FAP: variants seen among roughly 807,000 people sequenced by gnomAD.
FAP encodes the protein prolyl endopeptidase FAP.
FAP carries 110 observed loss-of-function variants against 126.5 expected under a neutral mutation model. That is an observed-to-expected ratio of 0.87 (90% confidence interval 0.74 to 1.02). The LOEUF is 1.02. FAP is among the 50% of genes least tolerant of loss of function. The pLI is 0.00. For synonymous variants in FAP, 334 were observed against 297.3 expected, an observed-to-expected ratio of 1.12 and a Z score of -1.27; for missense variants, 919 against 909.2, an observed-to-expected ratio of 1.01 and a Z score of -0.14.
chr2:162,226,561 G>A lies in FAP; in HGVS notation c.152C>T (p.Thr51Ile), dbSNP rs1689659215. 6.3e-7 allele frequency: 1 copy of A among 1,595,242 alleles called. No individual in the cohort carries two copies. Among genetic ancestry groups the A allele is most frequent in the African/African-American group, 1.3e-5 (1 of 74,440 alleles). The change falls in exon 3 of 26, where the codon ACA becomes ATA. Residue 51 changes from threonine to isoleucine, a missense_variant. Coordinates refer to ENST00000188790, the MANE Select transcript of FAP (RefSeq NM_004460.5). ...ALTLKDILNGTFSYKTFFPNW... is the reference protein window; with the variant it reads ...ALTLKDILNGIFSYKTFFPNW... ...TGGAAAAAATGTTTTATAAGAAAAT[G>A]TTCCATTTAAAATATCCTTCAGTGT...
chr2:162,188,105 A>G (rs1687916487), intron 20 of FAP, 64 bp downstream of exon 20: 1 of 1,323,396 alleles, frequency 7.6e-7, no homozygotes, highest in Admixed American at 1.8e-5. Context: ...GAATGGAGAA[A>G]CACAATAGTG....
At chr2:162,210,963 G>A (rs79208637) in intron 11 of FAP, among the ~76,000 whole-genome samples, 15 of 152,172 alleles carry the variant, frequency 9.9e-5, no homozygotes, top group Non-Finnish European at 2.1e-4. Context: ...ATTACCCAAA[G>A]TGAGTAAGTA....
At chr2:162,243,176 A>G in intron 1 of FAP, 146 bp downstream of exon 1, 2 of 799,032 alleles carry the variant, frequency 2.5e-6, no homozygotes, top group Non-Finnish European at 4.1e-6. Context: ...TCTACAGTAT[A>G]TTTAGAACAA....
intron 11 of FAP, among the ~76,000 whole-genome samples, chr2:162,211,783 T>C (rs1688945081): frequency 6.6e-6 from 1 of 152,208 alleles, no homozygotes; most frequent in Admixed American, 6.5e-5. Flanking sequence ...TTAATAAATC[T>C]CACTAATATA....
At chr2:162,202,046 A>G (rs1019914527) in intron 14 of FAP, among the ~76,000 whole-genome samples, 1 of 152,228 alleles carries the variant, frequency 6.6e-6, no homozygotes, top group Non-Finnish European at 1.5e-5. Flanking sequence ...CTTTTATTCC[A>G]TGAGCCTGGA....
chr2:162,203,471 A>AT (rs777249777), intron 12 of FAP, among the ~76,000 whole-genome samples: 11 of 152,234 alleles, frequency 7.2e-5, no homozygotes, highest in South Asian at 2.1e-4. Context: ...GCATGTTGAT[A>AT]TTTAACGAAA....
intron 6 of FAP, 37 bp from the exon 7 acceptor site, chr2:162,219,962 G>C (rs1175553882): frequency 7.4e-7 from 1 of 1,349,062 alleles, no homozygotes; most frequent in Non-Finnish European, 1.1e-6. Context: ...AACAAACCTT[G>C]CTGTTTAATG....
At chr2:162,200,818 T>C (rs899611704) in intron 14 of FAP, among the ~76,000 whole-genome samples, 199 bp from the exon 15 acceptor site, 1 of 152,164 alleles carries the variant, frequency 6.6e-6, no homozygotes, top group African/African-American at 2.4e-5. Flanking sequence ...AGAGGAAGAT[T>C]AAATTATGCT....
intron 5 of FAP, 73 bp from the exon 6 acceptor site, chr2:162,223,733 T>C (rs1689511439): frequency 1.1e-6 from 1 of 901,968 alleles, no homozygotes; most frequent in Non-Finnish European, 1.8e-6. Flanking sequence ...TATAATCATA[T>C]AGCATCCAAT....
chr2:162,195,196 A>AT (rs1477996374), intron 16 of FAP, among the ~76,000 whole-genome samples: 1 of 151,948 alleles, frequency 6.6e-6, no homozygotes, highest in Non-Finnish European at 1.5e-5. Flanking sequence ...AAAATCGAGT[A>AT]TTTTTTCCAT....
chr2:162,243,345 A>G lies in FAP; in HGVS notation c.-18T>C, dbSNP rs1270615179. 1 of 1,610,940 alleles carries G rather than the reference A, an allele frequency of 6.2e-7. No homozygotes were observed. The highest frequency in any genetic ancestry group is 1.7e-4 in the Middle Eastern group (1 of 6,036). ...ACCTTCATTTTTCCAGATGTTTTTGAAAGTTAGCTAATTCTGTCTTCAGAG... is the reference window on the plus strand; with the variant it reads ...ACCTTCATTTTTCCAGATGTTTTTGGAAGTTAGCTAATTCTGTCTTCAGAG... On this transcript the variant is annotated 5_prime_UTR_variant, in exon 1 of 26. Coordinates refer to ENST00000188790, the MANE Select transcript of FAP (RefSeq NM_004460.5).
intron 20 of FAP, among the ~76,000 whole-genome samples, chr2:162,184,161 C>T (rs558053535): frequency 6.6e-6 from 1 of 151,992 alleles, no homozygotes; most frequent in Non-Finnish European, 1.5e-5. Context: ...AACATGTTAC[C>T]CTGAGGGCTG....
Position 162,242,921 on chromosome 2 carries a change from T to A in FAP, c.78A>T (p.Leu26Phe), listed in dbSNP as rs994920823. 1.2e-6 allele frequency: 2 copies of A among 1,612,776 alleles called. No homozygotes were observed. Among genetic ancestry groups the A allele is most frequent in the African/African-American group, 1.3e-5 (1 of 74,868 alleles). ...VLALLVMCIV[L>F]RPSRVHNSEE... ...GAAAGTTCTTACCTCTTGAAGGGCG[T>A]AAGACAATGCACATCACCAATAAGG... The change falls in exon 2 of 26, where the codon TTA becomes TTT. Residue 26 changes from leucine to phenylalanine, a missense_variant. Coordinates refer to ENST00000188790, the MANE Select transcript of FAP (RefSeq NM_004460.5).
chr2:162,207,383 T>C (rs1466600400), intron 12 of FAP, among the ~76,000 whole-genome samples: 1 of 152,232 alleles, frequency 6.6e-6, no homozygotes, highest in African/African-American at 2.4e-5. Flanking sequence ...TGAATACATG[T>C]TAAGAGATTG....
intron 9 of FAP, 95 bp from the exon 10 acceptor site, chr2:162,216,096 G>T: frequency 1.2e-6 from 1 of 867,128 alleles, no homozygotes; most frequent in Non-Finnish European, 1.8e-6. Context: ...TTTTCTAAGC[G>T]AACAATCTTA....
At position 162,172,861 on chromosome 2, in the gene FAP, C is replaced by G. The variant is rs370959118; in HGVS notation, c.2131G>C (p.Ala711Pro). Reference protein sequence around the residue: ...ADDNVHFQNSAQIAKALVNAQ... With the variant: ...ADDNVHFQNSPQIAKALVNAQ... ...TTAACCAGAGCTTTAGCAATCTGTG[C>G]TGAGTTTTGAAAGTGCACATTATCT... The change falls in exon 25 of 26, where the codon GCA (alanine) becomes CCA (proline). Residue 711 changes from alanine (A) to proline (P), a missense_variant. By Grantham distance (27) the Ala-to-Pro change is conservative (BLOSUM62 -1). Coordinates refer to ENST00000188790, the MANE Select transcript of FAP (RefSeq NM_004460.5). 39 of 1,612,790 alleles carry G rather than the reference C, an allele frequency of 2.4e-5. No individual in the cohort carries two copies. The highest frequency in any genetic ancestry group is 3.3e-5 in the Non-Finnish European group (39 of 1,179,214).
chr2:162,237,548 T>G (rs1690188945), intron 2 of FAP, among the ~76,000 whole-genome samples: 1 of 152,198 alleles, frequency 6.6e-6, no homozygotes, highest in African/African-American at 2.4e-5. Flanking sequence ...GTCCCATGGC[T>G]GCATAGTATT....
intron 12 of FAP, among the ~76,000 whole-genome samples, chr2:162,204,275 C>A (rs1160664631): frequency 2.6e-5 from 4 of 152,158 alleles, no homozygotes; most frequent in Non-Finnish European, 5.9e-5. Flanking sequence ...TGCAACCGAT[C>A]ATTATTTCTC....
At chr2:162,211,448 T>A (rs987158229) in intron 11 of FAP, among the ~76,000 whole-genome samples, 7 of 152,106 alleles carry the variant, frequency 4.6e-5, no homozygotes, top group African/African-American at 1.7e-4. Context: ...TGCAAATACA[T>A]TAACTTGGAG....
Sources: gnomAD v4.1 joint callset for allele counts (sites outside exome capture counted in the v4.1 genomes callset) on GRCh38, gnomAD v4.1.1 for gene constraint, MANE v1.5 for transcripts, NCBI Gene and HGNC (gene_info 2026-07-23, HGNC 2026-07-21) for gene names.